CRPPA: variants seen among roughly 807,000 people sequenced by gnomAD.
CRPPA encodes D-ribitol-5-phosphate cytidylyltransferase.
A neutral mutation model predicts 52.0 loss-of-function variants in CRPPA; 43 were observed. That is an observed-to-expected ratio of 0.83 (90% CI 0.65 to 1.07). CRPPA has a LOEUF of 1.07. CRPPA is among the 50% of genes least tolerant of loss of function. The pLI, the probability that CRPPA is intolerant of heterozygous loss-of-function variation, is 0.00. For missense variants in CRPPA, 629 were observed against 551.7 expected, an observed-to-expected ratio of 1.14 and a Z score of -1.40; for synonymous variants, 250 against 203.5, an observed-to-expected ratio of 1.23 and a Z score of -1.94.
At chr7:16,289,608 A>G (rs1258957596) in intron 5 of CRPPA, among the ~76,000 whole-genome samples, 1 of 152,168 alleles carries the variant, frequency 6.6e-6, no homozygotes, top group Non-Finnish European at 1.5e-5. Context: ...GACATAGAAA[A>G]AGCATTTGAT....
intron 9 of CRPPA, among the ~76,000 whole-genome samples, chr7:16,177,041 G>A (rs1205404338): frequency 6.6e-6 from 1 of 152,084 alleles, no homozygotes; most frequent in East Asian, 1.9e-4. Context: ...AAAAAAGTGA[G>A]ACTCAACTCA....
chr7:16,395,113 T>A lies in CRPPA; in HGVS notation c.534+10948A>T, dbSNP rs117108363. 4.2e-3 allele frequency among the ~76,000 whole-genome samples: 636 copies of A among 152,248 alleles called. 12 individuals carry two copies. The highest frequency in any genetic ancestry group is 5.7e-3 in the Non-Finnish European group (391 of 68,012). Reference sequence around the variant, plus strand: ...TGTTGTAGGAGGCATCATTCCTGACTTATCAAGTACAAATGTCTCCTCAAG... The same window carrying A: ...TGTTGTAGGAGGCATCATTCCTGACATATCAAGTACAAATGTCTCCTCAAG... On this transcript the variant is annotated intron_variant, in intron 2 of 9. Coordinates refer to ENST00000407010, the MANE Select transcript of CRPPA (RefSeq NM_001101426.4).
intron 8 of CRPPA, among the ~76,000 whole-genome samples, chr7:16,244,763 A>C (rs1783222426): frequency 6.6e-6 from 1 of 152,212 alleles, no homozygotes; most frequent in South Asian, 2.1e-4. Flanking sequence ...AGATGGACTG[A>C]AATTGGAACT....
rs184162241 is a variant in CRPPA, at chr7:16,306,187, C to T, written c.789+2336G>A. Among the ~76,000 whole-genome samples, 53 of 152,298 alleles carry T rather than the reference C, an allele frequency of 3.5e-4. 1 individual carries two copies. The highest frequency in any genetic ancestry group is 1.3e-3 in the African/African-American group (53 of 41,562). The stretch of plus-strand genomic sequence containing the variant: ...GGACCTCGTCTTCACTTGATTACAT[C>T]TGCAAAGACACTATTTCCAAATAAG... On this transcript the variant is annotated intron_variant, in intron 4 of 9. Coordinates refer to ENST00000407010, the MANE Select transcript of CRPPA (RefSeq NM_001101426.4).
intron 2 of CRPPA, among the ~76,000 whole-genome samples, chr7:16,398,932 T>G (rs1787703340): frequency 6.6e-6 from 1 of 152,236 alleles, no homozygotes; most frequent in African/African-American, 2.4e-5. Context: ...GAGTCGTTAC[T>G]GACACGTGAT....
At chr7:16,416,052 A>C (rs1788184088) in intron 1 of CRPPA, among the ~76,000 whole-genome samples, 1 of 152,182 alleles carries the variant, frequency 6.6e-6, no homozygotes, top group South Asian at 2.1e-4. Flanking sequence ...TCAACCCTCT[A>C]TTAGTGAGAT....
chr7:16,338,521 ATT>A (rs202175691), intron 3 of CRPPA, among the ~76,000 whole-genome samples: 15 of 39,514 alleles, frequency 3.8e-4, no homozygotes, highest in Admixed American at 9.2e-4. Context: ...AACATAGATT[ATT>A]AACCTGGCTA....
chr7:16,175,600 C>T (rs943988404), intron 9 of CRPPA, among the ~76,000 whole-genome samples: 1 of 152,088 alleles, frequency 6.6e-6, no homozygotes, highest in African/African-American at 2.4e-5. Flanking sequence ...ACAGAATCTC[C>T]ACACCTACCT....
At chr7:16,202,445 A>G (rs1781881082) in intron 9 of CRPPA, among the ~76,000 whole-genome samples, 1 of 152,188 alleles carries the variant, frequency 6.6e-6, no homozygotes, top group Non-Finnish European at 1.5e-5. Flanking sequence ...TGCACATTAC[A>G]TACTGGTCAC....
At position 16,134,177 on chromosome 7, in the gene CRPPA, C is replaced by T. The variant is rs187842181; in HGVS notation, c.1252-42378G>A. ...CAATCCCCTGACCTCGTGATCCGCCCGCCTCGGCCCCCTAAAGTGCTGGGA... is the reference window on the plus strand; with the variant it reads ...CAATCCCCTGACCTCGTGATCCGCCTGCCTCGGCCCCCTAAAGTGCTGGGA... On this transcript the variant is annotated intron_variant, in intron 9 of 9. Coordinates refer to ENST00000407010, the MANE Select transcript of CRPPA (RefSeq NM_001101426.4). Among the ~76,000 whole-genome samples, 222 of 124,990 alleles carry T rather than the reference C, an allele frequency of 1.8e-3. 70 individuals are homozygous for T. Among genetic ancestry groups the T allele is most frequent in the Non-Finnish European group, 2.8e-3 (156 of 54,770 alleles). 82.0% of individuals were successfully genotyped at this position (124,990 alleles called of 152,430 possible).
At chr7:16,359,655 G>C (rs1260105259) in intron 3 of CRPPA, among the ~76,000 whole-genome samples, 1 of 152,144 alleles carries the variant, frequency 6.6e-6, no homozygotes, top group African/African-American at 2.4e-5. Context: ...ACTCAGGAGA[G>C]GGAGCCTCCC....
At chr7:16,302,964 A>G (rs1397546437) in intron 4 of CRPPA, among the ~76,000 whole-genome samples, 1 of 152,198 alleles carries the variant, frequency 6.6e-6, no homozygotes, top group Non-Finnish European at 1.5e-5. Context: ...TAAAATAAGG[A>G]CAACCCATAT....
chr7:16,399,518 C>T (rs937661155), intron 2 of CRPPA, among the ~76,000 whole-genome samples: 1 of 151,714 alleles, frequency 6.6e-6, no homozygotes, highest in African/African-American at 2.4e-5. Context: ...GTGACCAGAG[C>T]ATGATTGACA....
intron 3 of CRPPA, among the ~76,000 whole-genome samples, chr7:16,359,944 GAAGT>G (rs1339061597): frequency 2.0e-5 from 3 of 152,116 alleles, no homozygotes; most frequent in African/African-American, 4.8e-5. Context: ...CCACAGGAAG[GAAGT>G]AACAACTCTA....
intron 8 of CRPPA, among the ~76,000 whole-genome samples, chr7:16,239,422 G>A (rs1192014396): frequency 1.3e-5 from 2 of 151,424 alleles, no homozygotes; most frequent in East Asian, 3.9e-4. Context: ...TTAAGTTTAG[G>A]TATTAATTAC....
Position 16,286,097 on chromosome 7 carries a change from A to AATATAT in CRPPA, c.836-7877_836-7872dup, listed in dbSNP as rs71007759. On this transcript the variant is annotated intron_variant, in intron 5 of 9. Coordinates refer to ENST00000407010, the MANE Select transcript of CRPPA (RefSeq NM_001101426.4). Reference sequence around the variant, plus strand: ...TATATATATAATATTTAAAAAAAAAAATATATATATATATATATATGCCAA... The same window carrying AATATAT: ...TATATATATAATATTTAAAAAAAAAAATATATATATATATATATATATATATGCCAA... Among the ~76,000 whole-genome samples the AATATAT allele has an allele frequency of 8.1e-3, 318 of 39,104 alleles. 37 individuals carry two copies. Among genetic ancestry groups the AATATAT allele is most frequent in the Non-Finnish European group, 9.6e-3 (237 of 24,636 alleles). The allele number at this position is 39,104 out of a possible 152,430, so 25.7% of individuals were successfully genotyped here. A position where few individuals can be genotyped will look rare whatever the true frequency, so the allele number is the denominator to read the frequency against.
intron 9 of CRPPA, among the ~76,000 whole-genome samples, chr7:16,098,364 G>A (rs950810279): frequency 2.6e-5 from 4 of 152,104 alleles, no homozygotes; most frequent in Admixed American, 2.6e-4. Context: ...ATTACACAAT[G>A]TTTCTTTAAG....
At chr7:16,287,271 C>T (rs569250666) in intron 5 of CRPPA, among the ~76,000 whole-genome samples, 1 of 152,230 alleles carries the variant, frequency 6.6e-6, no homozygotes, top group African/African-American at 2.4e-5. Context: ...TCCTCTAACA[C>T]TGTTTTGTGT....
intron 8 of CRPPA, among the ~76,000 whole-genome samples, chr7:16,225,415 T>C (rs1782621206): frequency 6.6e-6 from 1 of 152,002 alleles, no homozygotes; most frequent in Non-Finnish European, 1.5e-5. Flanking sequence ...TTAATTAACA[T>C]CTGTAACAAA....
Sources: allele counts gnomAD v4.1 joint callset (sites outside exome capture counted in the v4.1 genomes callset), GRCh38; gene constraint gnomAD v4.1.1; transcripts MANE v1.5; gene names NCBI Gene and HGNC (gene_info 2026-07-23, HGNC 2026-07-21).